Variants in PKNOX2 observed in about 807,000 individuals in gnomAD.
The protein encoded by PKNOX2 is homeobox protein PKNOX2.
In PKNOX2, 14 loss-of-function variants were observed where a neutral mutation model predicts 53.1. The observed-to-expected ratio is 0.26, with a 90% CI of 0.17 to 0.41. The LOEUF (loss-of-function observed/expected upper bound fraction) is 0.41, where lower values mean the gene tolerates loss of function less well. Ranked by LOEUF, PKNOX2 falls within the 10% of genes least tolerant of loss-of-function variation. The pLI is 1.00. For synonymous variants in PKNOX2, 257 were observed against 242.8 expected (o/e 1.06, Z -0.54); for missense variants, 496 against 602.8 (o/e 0.82, Z 1.85).
At chr11:125,251,787 T>TAC (rs1944022864) in intron 2 of PKNOX2, among the ~76,000 whole-genome samples, 1 of 147,958 alleles carries the variant, frequency 6.8e-6, no homozygotes, top group Admixed American at 6.8e-5. Flanking sequence ...ATTATATAAA[T>TAC]ATATATATAT....
At chr11:125,394,903 C>T (rs1435811960) in intron 6 of PKNOX2, among the ~76,000 whole-genome samples, 1 of 152,212 alleles carries the variant, frequency 6.6e-6, no homozygotes, top group Non-Finnish European at 1.5e-5. Context: ...AGCACAATTT[C>T]ACAGCCAGGA....
chr11:125,178,341 G>A (rs184154951), intron 1 of PKNOX2, among the ~76,000 whole-genome samples: 6 of 151,714 alleles, frequency 4.0e-5, no homozygotes, highest in African/African-American at 7.3e-5. Context: ...GAGAAATCCC[G>A]TCTCTACTAA....
At chr11:125,228,852 A>G (rs1941950463) in intron 1 of PKNOX2, among the ~76,000 whole-genome samples, 1 of 152,090 alleles carries the variant, frequency 6.6e-6, no homozygotes, top group Admixed American at 6.5e-5. Flanking sequence ...TTAGGTTTGT[A>G]CAATTAACAA....
intron 4 of PKNOX2, among the ~76,000 whole-genome samples, chr11:125,354,828 G>A (rs1591539700): frequency 6.6e-6 from 1 of 152,134 alleles, no homozygotes; most frequent in Admixed American, 6.5e-5. Context: ...CGTGCTATTT[G>A]GGCACAAGCC....
chr11:125,394,945 G>GT (rs1169325726), intron 6 of PKNOX2, among the ~76,000 whole-genome samples: 2 of 149,348 alleles, frequency 1.3e-5, no homozygotes, highest in East Asian at 3.9e-4. Flanking sequence ...GATTTCACCA[G>GT]TTTTACGTGC....
chr11:125,321,351 G>A (rs1378534951), intron 2 of PKNOX2, among the ~76,000 whole-genome samples: 1 of 152,176 alleles, frequency 6.6e-6, no homozygotes, highest in Non-Finnish European at 1.5e-5. Context: ...ATTCACAGAT[G>A]CTCAAGTCCC....
chr11:125,192,272 C>G (rs1956924975), intron 1 of PKNOX2, among the ~76,000 whole-genome samples: 1 of 152,180 alleles, frequency 6.6e-6, no homozygotes, highest in African/African-American at 2.4e-5. Context: ...GCAGAAGGCT[C>G]CAGGGTCCCG....
intron 2 of PKNOX2, among the ~76,000 whole-genome samples, chr11:125,268,176 G>A (rs971515570): frequency 3.3e-5 from 5 of 152,156 alleles, no homozygotes; most frequent in African/African-American, 1.2e-4. Context: ...CTCTCATCTC[G>A]GAAAACGTCG....
At chr11:125,314,484 C>A (rs1371199745) in intron 2 of PKNOX2, among the ~76,000 whole-genome samples, 1 of 152,190 alleles carries the variant, frequency 6.6e-6, no homozygotes, top group African/African-American at 2.4e-5. Flanking sequence ...TGGGAGCATG[C>A]TGCTTCCCCG....
intron 10 of PKNOX2, among the ~76,000 whole-genome samples, chr11:125,413,460 G>A (rs561562040): frequency 6.6e-6 from 1 of 152,318 alleles, no homozygotes; most frequent in East Asian, 1.9e-4. Context: ...CTACCTGTGG[G>A]AGGAAGGATG....
intron 1 of PKNOX2, among the ~76,000 whole-genome samples, chr11:125,173,205 C>G (rs1164589368): frequency 6.6e-6 from 1 of 152,210 alleles, no homozygotes; most frequent in Non-Finnish European, 1.5e-5. Flanking sequence ...ACATGGCAAG[C>G]TCATGTTGAA....
chr11:125,324,416 T>C (rs938986834), intron 2 of PKNOX2, among the ~76,000 whole-genome samples: 1 of 152,198 alleles, frequency 6.6e-6, no homozygotes, highest in African/African-American at 2.4e-5. Context: ...AATATATACA[T>C]GTATTTACTC....
chr11:125,370,469 C>T lies in PKNOX2; in HGVS notation c.227+2484C>T, dbSNP rs1490303176. Among the ~76,000 whole-genome samples, 1 of 152,210 alleles carries T rather than the reference C, an allele frequency of 6.6e-6. No homozygotes were observed. Among genetic ancestry groups the T allele is most frequent in the African/African-American group, 2.4e-5 (1 of 41,454 alleles). On this transcript the variant is annotated intron_variant, in intron 5 of 12. Transcript: ENST00000298282. The surrounding 1 kb of genome is among the most constrained non-coding windows in gnomAD (Gnocchi z 4.1). ...CTTCCTACTCCCCTTCCCTCCTGGG[C>T]TTTATCTTCTCCCACCGGGCTAACC...
intron 5 of PKNOX2, among the ~76,000 whole-genome samples, chr11:125,383,467 A>G (rs866813): frequency 0.73 from 105,833 of 145,554 alleles, 39,528 homozygotes; most frequent in East Asian, 0.91. Context: ...AAAAAAAAAA[A>G]TTAGTCAGGC....
intron 2 of PKNOX2, among the ~76,000 whole-genome samples, chr11:125,296,372 CTG>C (rs1047111815): frequency 8.5e-5 from 13 of 152,318 alleles, no homozygotes; most frequent in Admixed American, 2.6e-4. Flanking sequence ...CCTGCTCACT[CTG>C]TTCCAGCTGC....
At chr11:125,257,788 T>C (rs1340354017) in intron 2 of PKNOX2, among the ~76,000 whole-genome samples, 1 of 152,244 alleles carries the variant, frequency 6.6e-6, no homozygotes, top group East Asian at 1.9e-4. Context: ...TGTTTCCATT[T>C]TTCTGCCCCT....
rs1268503320 is a variant in PKNOX2 at position 125,189,435 on chromosome 11, GTGTGTGTGTGTGTATA to G, written c.-201+24661_-201+24676del. Among the ~76,000 whole-genome samples, 524 of 79,466 alleles carry G rather than the reference GTGTGTGTGTGTGTATA, an allele frequency of 6.6e-3. 3 individuals carry two copies. The highest frequency in any genetic ancestry group is 9.9e-3 in the Non-Finnish European group (411 of 41,400). 52.1% of individuals were successfully genotyped at this position (79,466 alleles called of 152,430 possible). A position where few individuals can be genotyped will look rare whatever the true frequency, so the allele number is the denominator to read the frequency against. On this transcript the variant is annotated intron_variant, in intron 1 of 12. Coordinates refer to ENST00000298282, the MANE Select transcript of PKNOX2 (RefSeq NM_001382323.2). ...TATATGTGTGTGTGTGTGTGTGTGT[GTGTGTGTGTGTGTATA>G]TATATATATATATATATATATATAT...
At chr11:125,298,702 G>A (rs1947822183) in intron 2 of PKNOX2, among the ~76,000 whole-genome samples, 1 of 152,210 alleles carries the variant, frequency 6.6e-6, no homozygotes, top group Admixed American at 6.5e-5. Flanking sequence ...TGGATGGATG[G>A]ATGAATGAAT....
rs1169324883 is a variant in PKNOX2, at chr11:125,240,773, C to T, written c.-130+5658C>T. On this transcript the variant is annotated intron_variant, in intron 2 of 12. Transcript: ENST00000298282. This position sits in a 1 kb window ranked among gnomAD's most constrained non-coding sequence, Gnocchi z 4.3. The stretch of plus-strand genomic sequence containing the variant: ...GGTTTCCAAGTGCTGCTCCCAGTAT[C>T]CTTGGCTGTGGGGGGACTAGTGATG... Among the ~76,000 whole-genome samples the T allele has an allele frequency of 6.6e-6, 1 of 152,180 alleles. No homozygotes were observed. The highest frequency in any genetic ancestry group is 1.5e-5 in the Non-Finnish European group (1 of 68,028).
Sources: allele counts gnomAD v4.1 joint callset (sites outside exome capture counted in the v4.1 genomes callset), GRCh38; gene constraint gnomAD v4.1.1; non-coding constraint Gnocchi (gnomAD v3.1); transcripts MANE v1.5; gene names NCBI Gene and HGNC (gene_info 2026-07-23, HGNC 2026-07-21).